PDE1A: variants seen among roughly 807,000 people sequenced by gnomAD.
PDE1A encodes phosphodiesterase 1A.
In PDE1A, 35 loss-of-function variants were observed where a neutral mutation model predicts 61.7. That is an observed-to-expected ratio of 0.57 (90% CI 0.43 to 0.75). The LOEUF is 0.75. Ranked by LOEUF, PDE1A falls within the 30% of genes least tolerant of loss-of-function variation. The pLI, the probability that PDE1A is intolerant of heterozygous loss-of-function variation, is 0.00. For synonymous variants in PDE1A, 232 were observed against 213.2 expected (o/e 1.09, Z -0.77); for missense variants, 597 against 630.6 (o/e 0.95, Z 0.57).
chr2:182,572,939 A>T, the PDE1A span, among the ~76,000 whole-genome samples: 1 of 152,060 alleles, frequency 6.6e-6, no homozygotes. Flanking sequence ...ACAGTGCCCA[A>T]TCTTTACTCT....
At chr2:182,156,704 C>T (rs1308702505) in intron 13 of PDE1A, among the ~76,000 whole-genome samples, 1 of 152,118 alleles carries the variant, frequency 6.6e-6, no homozygotes. Flanking sequence ...CTTTTTACTA[C>T]TATTCTCTGT....
chr2:182,433,447 T>C (rs1411723556), intron 2 of PDE1A, among the ~76,000 whole-genome samples: 2 of 152,092 alleles, frequency 1.3e-5, no homozygotes, highest in South Asian at 4.1e-4. Context: ...CTTTCATCCA[T>C]GGTCTATAAC....
chr2:182,315,880 A>G (rs1052679951), intron 1 of PDE1A, among the ~76,000 whole-genome samples: 9 of 152,218 alleles, frequency 5.9e-5, no homozygotes, highest in Non-Finnish European at 1.0e-4. Flanking sequence ...TGTTAAGAGC[A>G]CCAAGAAAGA....
chr2:182,280,536 A>G lies in PDE1A; in HGVS notation c.54-16122T>C, dbSNP rs61033495. On this transcript the variant is annotated intron_variant, in intron 1 of 13. Transcript: ENST00000351439. ...CTTCCCACTTGATTGATAGTCTGAC[A>G]GAATATTCTAGATTGAAAAGAATTT... 6.8e-3 allele frequency among the ~76,000 whole-genome samples: 1,030 copies of G among 152,100 alleles called. 7 individuals carry two copies. The highest frequency in any genetic ancestry group is 0.023 in the African/African-American group (946 of 41,522).
At chr2:182,574,864 T>C in the PDE1A span, among the ~76,000 whole-genome samples, 27 of 152,150 alleles carry the variant, frequency 1.8e-4, 1 homozygote, top group Admixed American at 1.6e-3. Flanking sequence ...CTAATTTTTG[T>C]ATTTTTTAGT....
chr2:182,574,612 TACAAGC>T, the PDE1A span, among the ~76,000 whole-genome samples: 2 of 152,254 alleles, frequency 1.3e-5, no homozygotes, highest in Non-Finnish European at 2.9e-5. Context: ...ATTTTCTTAG[TACAAGC>T]GTATACATGC....
the PDE1A span, among the ~76,000 whole-genome samples, chr2:182,599,230 G>T: frequency 2.0e-5 from 3 of 152,050 alleles, no homozygotes; most frequent in East Asian, 1.9e-4. Context: ...CTGCTCCCAT[G>T]ACTGGTGGTG....
At chr2:182,265,789 C>T (rs187921845) in intron 1 of PDE1A, among the ~76,000 whole-genome samples, 140 of 152,266 alleles carry the variant, frequency 9.2e-4, no homozygotes, top group Non-Finnish European at 1.2e-3. Context: ...CTTACTCTCT[C>T]CATACTACAG....
intron 13 of PDE1A, among the ~76,000 whole-genome samples, chr2:182,175,305 G>A (rs1406742726): frequency 6.6e-6 from 1 of 152,164 alleles, no homozygotes. Flanking sequence ...CACCAACAGT[G>A]TAAAAGCATT....
the PDE1A span, among the ~76,000 whole-genome samples, chr2:182,578,536 T>C: frequency 6.6e-6 from 1 of 152,202 alleles, no homozygotes; most frequent in Admixed American, 6.5e-5. Flanking sequence ...ACCAACAGAT[T>C]CATTTTTTCA....
intron 1 of PDE1A, among the ~76,000 whole-genome samples, chr2:182,302,378 A>AT (rs1234330658): frequency 6.6e-6 from 1 of 152,198 alleles, no homozygotes; most frequent in Non-Finnish European, 1.5e-5. Flanking sequence ...AGTCACACAA[A>AT]TTTTTTTGTT....
the PDE1A span, among the ~76,000 whole-genome samples, chr2:182,670,671 T>A: frequency 0.64 from 97,548 of 152,082 alleles, 31,794 homozygotes; most frequent in Middle Eastern, 0.78. Flanking sequence ...CAAATGGTCC[T>A]GGTGTGGTGA....
At chr2:182,438,890 AT>A (rs1386411415) in intron 2 of PDE1A, among the ~76,000 whole-genome samples, 1 of 151,952 alleles carries the variant, frequency 6.6e-6, no homozygotes, top group Non-Finnish European at 1.5e-5. Flanking sequence ...TGTAGAAAAT[AT>A]TTTTTAGGAT....
intron 2 of PDE1A, among the ~76,000 whole-genome samples, chr2:182,501,237 C>A (rs188953059): frequency 6.6e-6 from 1 of 152,284 alleles, no homozygotes; most frequent in East Asian, 1.9e-4. Flanking sequence ...TCCTTCATTG[C>A]ATGCTTGGCC....
At chr2:182,607,960 G>A in the PDE1A span, among the ~76,000 whole-genome samples, 1 of 152,192 alleles carries the variant, frequency 6.6e-6, no homozygotes, top group African/African-American at 2.4e-5. Context: ...AAATGACCAG[G>A]CCTTTATACC....
At chr2:182,258,342 A>C (rs1042512439) in intron 2 of PDE1A, among the ~76,000 whole-genome samples, 3 of 152,178 alleles carry the variant, frequency 2.0e-5, no homozygotes, top group Non-Finnish European at 2.9e-5. Flanking sequence ...AATAGGTAAG[A>C]AGAAAAAAAT....
intron 1 of PDE1A, among the ~76,000 whole-genome samples, chr2:182,279,646 A>G (rs1300594899): frequency 6.6e-6 from 1 of 151,888 alleles, no homozygotes; most frequent in Non-Finnish European, 1.5e-5. Flanking sequence ...CACTTTTAAA[A>G]CATCTTTATT....
chr2:182,196,868 T>C (rs965973300), intron 10 of PDE1A, among the ~76,000 whole-genome samples: 1 of 151,878 alleles, frequency 6.6e-6, no homozygotes, highest in Non-Finnish European at 1.5e-5. Flanking sequence ...TTTTTTTAAG[T>C]AGTAGTATAA....
At chr2:182,352,981 T>A (rs1030831946) in intron 1 of PDE1A, among the ~76,000 whole-genome samples, 7 of 152,218 alleles carry the variant, frequency 4.6e-5, no homozygotes, top group African/African-American at 1.4e-4. Context: ...CTCATTTCAT[T>A]TGGGCTGGGC....
Sources: gnomAD v4.1 joint callset for allele counts (sites outside exome capture counted in the v4.1 genomes callset) on GRCh38, gnomAD v4.1.1 for gene constraint, MANE v1.5 for transcripts, NCBI Gene and HGNC (gene_info 2026-07-23, HGNC 2026-07-21) for gene names.